The following SMG6 variants were observed in gnomAD, a reference collection of about 807,000 sequenced individuals.
The protein encoded by SMG6 is SMG6 nonsense mediated mRNA decay factor.
In SMG6, 66 loss-of-function variants were observed where a neutral mutation model predicts 142.2. The ratio of observed to expected loss-of-function variants is 0.46; its 90% CI spans 0.38 to 0.57. SMG6 has a LOEUF of 0.57. SMG6 is among the 20% of genes least tolerant of loss of function. The pLI, the probability that SMG6 is intolerant of heterozygous loss-of-function variation, is 0.00. For synonymous variants in SMG6, 779 were observed against 702.4 expected, an observed-to-expected ratio of 1.11 and a Z score of -1.72; for missense variants, 1,793 against 1,832.0, an observed-to-expected ratio of 0.98 and a Z score of 0.39.
At chr17:2,172,928 T>G in intron 12 of SMG6, 69 bp from the exon 13 acceptor site, 1 of 1,440,762 alleles carries the variant, frequency 6.9e-7, no homozygotes, top group Non-Finnish European at 9.7e-7. Context: ...TTCTCAGTAT[T>G]TGTGAGCAGG....
intron 8 of SMG6, among the ~76,000 whole-genome samples, chr17:2,258,026 A>ATATAT (rs1264955048): frequency 0.013 from 1,108 of 88,246 alleles, 47 homozygotes; most frequent in East Asian, 0.028. Flanking sequence ...AAAAAAAAAA[A>ATATAT]AAAAAAAAAT....
At position 2,085,466 on chromosome 17, in the gene SMG6, C is replaced by G. The variant is rs1002052744; in HGVS notation, c.3534+259G>C. Among the ~76,000 whole-genome samples the G allele has an allele frequency of 2.6e-5, 4 of 152,184 alleles. No homozygotes were observed. The highest frequency in any genetic ancestry group is 9.7e-5 in the African/African-American group (4 of 41,438). On this transcript the variant is annotated intron_variant, in intron 14 of 18. Coordinates refer to ENST00000263073, the MANE Select transcript of SMG6 (RefSeq NM_017575.5). This position sits in a 1 kb window ranked among gnomAD's most constrained non-coding sequence, Gnocchi z 4.1. ...CTCGAGAGCTGCACATTATTCAACT[C>G]CTTTCTTTCTTTTCCTCCCTTCTCC...
Position 2,110,787 on chromosome 17 carries a change from C to T in SMG6, c.3358-24886G>A, listed in dbSNP as rs143363045. 1.1e-3 allele frequency among the ~76,000 whole-genome samples: 160 copies of T among 152,236 alleles called. 1 individual carries two copies. In the East Asian group the frequency reaches 0.022, roughly 21 times the overall value. On this transcript the variant is annotated intron_variant, in intron 13 of 18. Transcript: ENST00000263073. ...GTATATACATGTGCTCCAGTCTGCA[C>T]GCTGCCCAGAAAGAGCTCCCACCCC...
intron 8 of SMG6, among the ~76,000 whole-genome samples, chr17:2,249,854 G>A (rs756049995): frequency 2.0e-5 from 3 of 152,194 alleles, no homozygotes; most frequent in South Asian, 2.1e-4. Flanking sequence ...GTGGACTCCT[G>A]AGCTCAACCC....
intron 15 of SMG6, among the ~76,000 whole-genome samples, chr17:2,069,624 C>T (rs1000287863): frequency 1.3e-5 from 2 of 152,120 alleles, no homozygotes; most frequent in East Asian, 1.9e-4. Flanking sequence ...CAACAAACAA[C>T]GAACAATGAA....
chr17:2,070,469 G>A (rs1156291648), intron 15 of SMG6, among the ~76,000 whole-genome samples: 1 of 152,248 alleles, frequency 6.6e-6, no homozygotes, highest in African/African-American at 2.4e-5. Flanking sequence ...GCAGGCACAG[G>A]GCTGGGGAAG....
intron 8 of SMG6, among the ~76,000 whole-genome samples, chr17:2,252,828 A>G (rs991098855): frequency 9.2e-5 from 14 of 152,194 alleles, no homozygotes; most frequent in Non-Finnish European, 1.5e-4. Flanking sequence ...TATATCAGAC[A>G]CTGGCAAACT....
intron 13 of SMG6, among the ~76,000 whole-genome samples, chr17:2,119,886 T>A (rs1374363973): frequency 6.6e-6 from 1 of 152,126 alleles, no homozygotes; most frequent in Non-Finnish European, 1.5e-5. Context: ...ATGGTCTCGA[T>A]CTCCTGACCT....
chr17:2,082,503 A>G (rs2068452243), intron 14 of SMG6, among the ~76,000 whole-genome samples: 1 of 152,226 alleles, frequency 6.6e-6, no homozygotes, highest in South Asian at 2.1e-4. Context: ...TGAAGACTCC[A>G]GCCTGGTGGT....
At chr17:2,184,446 T>A (rs1212499900) in intron 12 of SMG6, among the ~76,000 whole-genome samples, 1 of 150,160 alleles carries the variant, frequency 6.7e-6, no homozygotes, top group Non-Finnish European at 1.5e-5. Context: ...TCACCTGAGG[T>A]CAGGAGTTTG....
intron 14 of SMG6, among the ~76,000 whole-genome samples, chr17:2,082,874 C>G (rs2068461782): frequency 6.6e-6 from 1 of 152,220 alleles, no homozygotes; most frequent in Non-Finnish European, 1.5e-5. Context: ...GTGATGACAA[C>G]AGCTATCACT....
intron 8 of SMG6, among the ~76,000 whole-genome samples, chr17:2,249,173 G>A (rs527750418): frequency 3.2e-4 from 48 of 152,068 alleles, no homozygotes; most frequent in South Asian, 1.2e-3. Context: ...GATTACAGGC[G>A]TGAGCCACCG....
intron 13 of SMG6, among the ~76,000 whole-genome samples, chr17:2,116,240 T>C (rs1227902657): frequency 6.6e-6 from 1 of 151,934 alleles, no homozygotes; most frequent in African/African-American, 2.4e-5. Context: ...CCCAGCTATT[T>C]TTTATTTTTT....
intron 12 of SMG6, among the ~76,000 whole-genome samples, chr17:2,177,475 A>C (rs2071684542): frequency 6.6e-6 from 1 of 152,038 alleles, no homozygotes; most frequent in South Asian, 2.1e-4. Flanking sequence ...AGGATGAGGC[A>C]CTCACACACT....
chr17:2,269,799 T>C (rs1258307074), intron 8 of SMG6, among the ~76,000 whole-genome samples: 1 of 152,148 alleles, frequency 6.6e-6, no homozygotes, highest in African/African-American at 2.4e-5. Flanking sequence ...GTCATCATCT[T>C]ACAGATAGAA....
intron 8 of SMG6, among the ~76,000 whole-genome samples, chr17:2,282,110 A>G (rs2074799979): frequency 6.6e-6 from 1 of 152,204 alleles, no homozygotes; most frequent in African/African-American, 2.4e-5. Context: ...TGACTGGCAC[A>G]CTGTCGATAA....
At chr17:2,095,509 T>C (rs2068832787) in intron 13 of SMG6, among the ~76,000 whole-genome samples, 1 of 152,230 alleles carries the variant, frequency 6.6e-6, no homozygotes, top group South Asian at 2.1e-4. Flanking sequence ...TGTGAGGCAC[T>C]GTCCTCCAGA....
chr17:2,131,589 C>T (rs1161398790), intron 13 of SMG6, among the ~76,000 whole-genome samples: 2 of 152,174 alleles, frequency 1.3e-5, no homozygotes, highest in Non-Finnish European at 2.9e-5. Context: ...CATGAGCCCC[C>T]ATGCCCAGCC....
At chr17:2,139,163 G>A (rs1269319222) in intron 13 of SMG6, among the ~76,000 whole-genome samples, 1 of 152,208 alleles carries the variant, frequency 6.6e-6, no homozygotes, top group East Asian at 1.9e-4. Context: ...GATGTTTCCA[G>A]GGTATTGGGA....
Sources: allele counts gnomAD v4.1 joint callset (sites outside exome capture counted in the v4.1 genomes callset), GRCh38; gene constraint gnomAD v4.1.1; non-coding constraint Gnocchi (gnomAD v3.1); transcripts MANE v1.5; gene names NCBI Gene and HGNC (gene_info 2026-07-23, HGNC 2026-07-21).